STAT5B: variants seen among roughly 807,000 people sequenced by gnomAD.
The protein encoded by STAT5B is signal transducer and activator of transcription 5B.
Under a neutral mutation model 107.8 loss-of-function variants are expected in STAT5B, and 21 were observed. The observed-to-expected ratio is 0.19, with a 90% CI of 0.14 to 0.28. The LOEUF is 0.28. STAT5B is among the 10% of genes least tolerant of loss of function. The probability of loss-of-function intolerance (pLI) is 1.00; values close to 1 mark genes in which losing one functional copy is unlikely to be tolerated. For synonymous variants in STAT5B, 325 were observed against 401.7 expected (o/e 0.81, Z 2.28); for missense variants, 565 against 1,008.2 (o/e 0.56, Z 5.95).
intron 2 of STAT5B, among the ~76,000 whole-genome samples, chr17:42,228,650 G>A (rs999354722): frequency 2.6e-5 from 4 of 152,240 alleles, no homozygotes; most frequent in Admixed American, 1.3e-4. Flanking sequence ...CAGTGAGACC[G>A]GCCGGGCGTG....
chr17:42,242,192 T>C (rs570249632), intron 1 of STAT5B, among the ~76,000 whole-genome samples: 1 of 152,234 alleles, frequency 6.6e-6, no homozygotes, highest in South Asian at 2.1e-4. Context: ...ATCTACTTAC[T>C]AAATATAAAA....
At chr17:42,239,928 C>A (rs1020083497) in intron 1 of STAT5B, among the ~76,000 whole-genome samples, 2 of 152,142 alleles carry the variant, frequency 1.3e-5, no homozygotes, top group African/African-American at 4.8e-5. Flanking sequence ...GAGCTCGAGA[C>A]CAGCCTGGCC....
chr17:42,221,003 G>A (rs2080221580), intron 5 of STAT5B, among the ~76,000 whole-genome samples: 1 of 151,672 alleles, frequency 6.6e-6, no homozygotes, highest in Admixed American at 6.6e-5. Context: ...TGCTTGAGCT[G>A]AGTCAGAAGA....
intron 1 of STAT5B, among the ~76,000 whole-genome samples, chr17:42,266,875 CAATGA>C (rs2144416368): frequency 6.6e-6 from 1 of 152,272 alleles, no homozygotes; most frequent in East Asian, 1.9e-4. Context: ...TCATACATTA[CAATGA>C]AATTAGTATT....
At chr17:42,202,912 C>T (rs2080057021) in intron 16 of STAT5B, 104 bp from the exon 17 acceptor site, 8 of 1,420,030 alleles carry the variant, frequency 5.6e-6, no homozygotes, top group Non-Finnish European at 8.0e-6. Flanking sequence ...AACCACCTAA[C>T]TTATCTAAGG....
chr17:42,232,137 T>C lies in STAT5B; in HGVS notation c.-10A>G, dbSNP rs765106938. On this transcript the variant is annotated splice_region_variant and 5_prime_UTR_variant, in exon 2 of 19. Transcript: ENST00000293328. Reference sequence around the variant, plus strand: ...GTATCCACACAGCCATGGTTTACAATCTGTTGAACAAACAATCAGTGCTTT... The same window carrying C: ...GTATCCACACAGCCATGGTTTACAACCTGTTGAACAAACAATCAGTGCTTT... The C allele has an allele frequency of 2.5e-6, 4 of 1,613,714 alleles. No individual in the cohort carries two copies. In the African/African-American group the frequency reaches 4.0e-5, roughly 16 times the overall value.
At chr17:42,214,645 T>C in intron 12 of STAT5B, 2 of 984,880 alleles carry the variant, frequency 2.0e-6, no homozygotes, top group Non-Finnish European at 2.4e-6. Context: ...TTGTTGGATA[T>C]ACTTAGAGAA....
At chr17:42,207,862 TG>T in intron 15 of STAT5B, 134 bp from the exon 16 acceptor site, 3 of 882,388 alleles carry the variant, frequency 3.4e-6, no homozygotes, top group Non-Finnish European at 5.3e-6. Flanking sequence ...AAAATAACCA[TG>T]GGTTATAGAT....
chr17:42,285,960 C>T, the STAT5B span, among the ~76,000 whole-genome samples: 1 of 152,250 alleles, frequency 6.6e-6, no homozygotes, highest in Admixed American at 6.5e-5. Context: ...TAGCTGATGC[C>T]TGTAATTCCA....
chr17:42,265,647 A>T (rs1216762257), intron 1 of STAT5B, among the ~76,000 whole-genome samples: 1 of 152,136 alleles, frequency 6.6e-6, no homozygotes, highest in Non-Finnish European at 1.5e-5. Flanking sequence ...TCCCATGCCC[A>T]GCTTGAGTAT....
In STAT5B at chr17:42,223,172, A is replaced by C. The variant is rs538896621; in HGVS notation, c.550+210T>G. ...CTCCCTGGATGTGGGGACCTGAGTG[A>C]GATATGCACTTAAGCGGGGGGTCCT... On this transcript the variant is annotated intron_variant, in intron 5 of 18. Coordinates refer to ENST00000293328, the MANE Select transcript of STAT5B (RefSeq NM_012448.4). Among the ~76,000 whole-genome samples, 354 of 152,104 alleles carry C rather than the reference A, an allele frequency of 2.3e-3. 2 individuals carry two copies. The highest frequency in any genetic ancestry group is 8.2e-3 in the African/African-American group (340 of 41,406).
intron 15 of STAT5B, 141 bp from the exon 16 acceptor site, chr17:42,207,869 T>C (rs904480278): frequency 4.4e-5 from 37 of 835,678 alleles, no homozygotes; most frequent in Non-Finnish European, 5.8e-5. Flanking sequence ...CCATGGGTTA[T>C]AGATGAAATA....
At chr17:42,235,833 G>A (rs1436568982) in intron 1 of STAT5B, among the ~76,000 whole-genome samples, 1 of 152,142 alleles carries the variant, frequency 6.6e-6, no homozygotes, top group Admixed American at 6.5e-5. Context: ...GCTTGCCTAT[G>A]GAAAGTGGTC....
intron 5 of STAT5B, among the ~76,000 whole-genome samples, chr17:42,222,149 CTGTGTGTGTGA>C (rs1381597431): frequency 3.5e-5 from 4 of 112,780 alleles, no homozygotes; most frequent in Non-Finnish European, 3.6e-5. Flanking sequence ...TGTGTGTGTG[CTGTGTGTGTGA>C]TGTGTGTGGT....
At chr17:42,268,999 C>T (rs933678101) in intron 1 of STAT5B, among the ~76,000 whole-genome samples, 1 of 152,062 alleles carries the variant, frequency 6.6e-6, no homozygotes, top group African/African-American at 2.4e-5. Flanking sequence ...TAACATTTAG[C>T]CCAGGTTAGA....
chr17:42,233,880 T>C (rs2080337321), intron 1 of STAT5B: 1 of 152,160 alleles, frequency 6.6e-6, no homozygotes, highest in African/African-American at 2.4e-5. Context: ...CCTGACAATT[T>C]TTAACTCATC....
At chr17:42,240,966 T>C (rs1174837319) in intron 1 of STAT5B, among the ~76,000 whole-genome samples, 6 of 152,202 alleles carry the variant, frequency 3.9e-5, no homozygotes, top group Non-Finnish European at 1.5e-5. Flanking sequence ...ATCTGAAAAG[T>C]ACAAGGCAAG....
At chr17:42,214,861 C>T (rs911345734) in intron 12 of STAT5B, among the ~76,000 whole-genome samples, 4 of 152,020 alleles carry the variant, frequency 2.6e-5, no homozygotes, top group Admixed American at 1.3e-4. Context: ...GCGATCCTCC[C>T]GCCTCAGCCC....
chr17:42,222,310 C>T (rs148005646), intron 5 of STAT5B, among the ~76,000 whole-genome samples: 87 of 152,116 alleles, frequency 5.7e-4, no homozygotes, highest in African/African-American at 2.1e-3. Context: ...TGCCAAACTG[C>T]TACAGGGTCA....
Sources: gnomAD v4.1 joint callset for allele counts (sites outside exome capture counted in the v4.1 genomes callset) on GRCh38, gnomAD v4.1.1 for gene constraint, MANE v1.5 for transcripts, NCBI Gene and HGNC (gene_info 2026-07-23, HGNC 2026-07-21) for gene names.